Variants in SAP130 observed in about 807,000 individuals in gnomAD.
SAP130 encodes the protein Sin3A associated protein 130.
In SAP130, 16 loss-of-function variants were observed where a neutral mutation model predicts 103.2. The observed-to-expected ratio is 0.16, with a 90% confidence interval of 0.10 to 0.24. SAP130 has a LOEUF of 0.24. Ranked by LOEUF, SAP130 falls within the 10% of genes least tolerant of loss-of-function variation. The probability of loss-of-function intolerance (pLI) is 1.00; values close to 1 mark genes in which losing one functional copy is unlikely to be tolerated. For missense variants in SAP130, 990 were observed against 1,359.7 expected (o/e 0.73, Z 4.28); for synonymous variants, 477 against 497.0 (o/e 0.96, Z 0.53).
chr2:127,969,175 G>C (rs891591629), intron 15 of SAP130, among the ~76,000 whole-genome samples: 3 of 152,170 alleles, frequency 2.0e-5, no homozygotes, highest in Non-Finnish European at 2.9e-5. Context: ...GGCGGGGGGA[G>C]AGGGAGACAT....
intron 15 of SAP130, among the ~76,000 whole-genome samples, chr2:127,957,399 G>A (rs935357802): frequency 8.5e-5 from 13 of 152,204 alleles, no homozygotes; most frequent in Admixed American, 8.5e-4. Flanking sequence ...AACTGGCTAG[G>A]CGTGGTGACT....
At chr2:127,970,832 G>C (rs2104871826) in intron 15 of SAP130, among the ~76,000 whole-genome samples, 1 of 152,222 alleles carries the variant, frequency 6.6e-6, no homozygotes, top group South Asian at 2.1e-4. Context: ...CGAGGTACTG[G>C]GAGTTGACTT....
chr2:127,950,804 G>A (rs1050444820), intron 16 of SAP130, among the ~76,000 whole-genome samples: 1 of 152,178 alleles, frequency 6.6e-6, no homozygotes, highest in Non-Finnish European at 1.5e-5. Context: ...GAACTCAGAC[G>A]AGATGGCTGC....
intron 4 of SAP130, 32 bp downstream of exon 4, chr2:128,016,357 T>C (rs776025281): frequency 6.3e-7 from 1 of 1,599,448 alleles, no homozygotes; most frequent in Non-Finnish European, 8.5e-7. Context: ...GCATTTCAGT[T>C]TGAAAATCAG....
intron 2 of SAP130, among the ~76,000 whole-genome samples, chr2:128,024,713 C>A (rs1182433400): frequency 5.3e-5 from 6 of 113,384 alleles, no homozygotes; most frequent in East Asian, 2.3e-4. Context: ...ACTAAAAATG[C>A]GAAAAAAAAA....
chr2:128,017,897 C>T lies in SAP130; in HGVS notation c.131G>A (p.Arg44Gln), dbSNP rs1470921648. Residue 44 changes from arginine (R) to glutamine (Q), a missense_variant, in exon 3 of 21, where the codon CGA (arginine) becomes CAA (glutamine). By Grantham distance (43) the Arg-to-Gln change is conservative (BLOSUM62 1). This residue lies in a region of SAP130 where 167 missense variants were observed against 187.4 expected (regional missense o/e 0.89). Coordinates refer to ENST00000643581, the MANE Select transcript of SAP130 (RefSeq NM_001330301.2). ...CTCCCTGGCACTGACTTCAGAATCT[C>T]GACCAGATTCATCATTGACTAGTAA... ...PAATVNDESG[R>Q]DSEVSAREHM... 6 of 1,614,026 alleles carry T rather than the reference C, an allele frequency of 3.7e-6. No individual in the cohort carries two copies. Among genetic ancestry groups the T allele is most frequent in the East Asian group, 4.5e-5 (2 of 44,886 alleles).
At chr2:128,008,146 T>A (rs989593889) in intron 7 of SAP130, among the ~76,000 whole-genome samples, 10 of 152,228 alleles carry the variant, frequency 6.6e-5, no homozygotes, top group African/African-American at 2.2e-4. Context: ...TTGCTTTGAT[T>A]CAGTGAATCT....
rs1683166623 is a variant in SAP130 at position 127,996,224 on chromosome 2, C to T, written c.1355+126G>A. ...AAGGAATTATACGAAGTGTTACTTT[C>T]AGGGGAAAATCTGAAAACATGAGTA... On this transcript the variant is annotated intron_variant, in intron 11 of 20. Transcript: ENST00000643581. The surrounding 1 kb of genome is among the most constrained non-coding windows in gnomAD (Gnocchi z 4.3). 1 of 833,122 alleles carries T rather than the reference C, an allele frequency of 1.2e-6. No individual in the cohort carries two copies. The highest frequency in any genetic ancestry group is 1.6e-6 in the Non-Finnish European group (1 of 612,494). The allele number at this position is 833,122 out of a possible 1,614,324, so 51.6% of individuals were successfully genotyped here. A position where few individuals can be genotyped will look rare whatever the true frequency, so the allele number is the denominator to read the frequency against.
chr2:127,983,932 G>A (rs1396634643), intron 14 of SAP130, among the ~76,000 whole-genome samples: 1 of 132,248 alleles, frequency 7.6e-6, no homozygotes, highest in Non-Finnish European at 1.5e-5. Context: ...TTTTATATTT[G>A]CAGTTAACTT....
chr2:127,954,437 A>T (rs1307489147), intron 16 of SAP130, among the ~76,000 whole-genome samples: 1 of 152,080 alleles, frequency 6.6e-6, no homozygotes, highest in Non-Finnish European at 1.5e-5. Flanking sequence ...AATTCCACAT[A>T]AATTATTAAA....
intron 15 of SAP130, among the ~76,000 whole-genome samples, chr2:127,969,169 G>C (rs937535706): frequency 2.6e-5 from 4 of 152,258 alleles, no homozygotes; most frequent in African/African-American, 7.2e-5. Flanking sequence ...GAGGTTGGCG[G>C]GGGGAGAGGG....
chr2:127,955,143 T>C lies in SAP130; in HGVS notation c.2265A>G (p.Gly755=), dbSNP rs770542431. 3.1e-6 allele frequency: 5 copies of C among 1,613,984 alleles called. No homozygotes were observed. The Admixed American group carries it at 6.7e-5, about 22-fold the overall frequency. Residue 755 remains glycine (G), a synonymous_variant, in exon 16 of 21, where the codon GGA becomes GGG. Transcript: ENST00000643581. The surrounding 1 kb of genome is among the most constrained non-coding windows in gnomAD (Gnocchi z 4.9). ...TGATGGGTGGAGTGATGGGGACCGC[T>C]CCAGGAATGGTTGAAAGGGCAACGG... ...QPAVALSTIP[G]AVPITPPITT... is the part of the protein sequence containing the mutation.
In SAP130 at chr2:128,026,203, T is replaced by C; in HGVS notation, c.90A>G (p.Gly30=). ...CACCTGTAGCAGCTGGGTTTATCAA[T>C]CCAGCAGAACCACTGTTTGCAATCT... is the stretch of plus-strand genomic sequence containing the variant. ...PSQIANSGSA[G]LINPAATVND... The change falls in exon 2 of 21, where the codon GGA becomes GGG. Residue 30 remains glycine, a synonymous_variant. Coordinates refer to ENST00000643581, the MANE Select transcript of SAP130 (RefSeq NM_001330301.2). 1 of 1,612,168 alleles carries C rather than the reference T, an allele frequency of 6.2e-7. No individual in the cohort carries two copies. The highest frequency in any genetic ancestry group is 8.5e-7 in the Non-Finnish European group (1 of 1,178,216).
At chr2:128,000,977 A>T (rs1683518752) in intron 7 of SAP130, among the ~76,000 whole-genome samples, 1 of 152,196 alleles carries the variant, frequency 6.6e-6, no homozygotes, top group Admixed American at 6.5e-5. Context: ...TACATGCTGT[A>T]AGTTTTTGAC....
Position 127,996,808 on chromosome 2 carries a change from G to C in SAP130, c.1214-317C>G, listed in dbSNP as rs952448992. On this transcript the variant is annotated intron_variant, in intron 10 of 20. Transcript: ENST00000643581. This position sits in a 1 kb window ranked among gnomAD's most constrained non-coding sequence, Gnocchi z 4.3. ...GGCTCACATCTGTCATCTCAGCACT[G>C]TGGGAGGCTGAGGCGGGAGGATCAC... 6.6e-6 allele frequency among the ~76,000 whole-genome samples: 1 copy of C among 152,014 alleles called. No homozygotes were observed. Among genetic ancestry groups the C allele is most frequent in the Admixed American group, 6.6e-5 (1 of 15,262 alleles).
intron 15 of SAP130, among the ~76,000 whole-genome samples, chr2:127,962,656 C>G (rs1179016942): frequency 4.1e-5 from 6 of 147,026 alleles, no homozygotes; most frequent in African/African-American, 1.5e-4. Flanking sequence ...CATGTTCTCA[C>G]TCATAGGTGG....
chr2:127,947,736 G>C (rs910445810), intron 18 of SAP130, among the ~76,000 whole-genome samples: 1 of 132,242 alleles, frequency 7.6e-6, no homozygotes, highest in African/African-American at 2.8e-5. Context: ...ATTTCATATT[G>C]TGTGAATTAA....
intron 7 of SAP130, 109 bp from the exon 8 acceptor site, chr2:128,000,563 A>C (rs1683486690): frequency 1.6e-6 from 2 of 1,254,442 alleles, no homozygotes; most frequent in East Asian, 5.0e-5. Context: ...GTTCGGAGTT[A>C]AACCAATACT....
chr2:127,942,508 T>C lies in SAP130; in HGVS notation c.2931A>G (p.Arg977=). 6.2e-7 allele frequency: 1 copy of C among 1,612,440 alleles called. No individual in the cohort carries two copies. Among genetic ancestry groups the C allele is most frequent in the Non-Finnish European group, 8.5e-7 (1 of 1,178,426 alleles). The stretch of plus-strand genomic sequence containing the variant: ...TAATCCCTTCCTGCAGGTTAGTAAG[T>C]CTTTCATAGACATCATGTTCTAGAT... The part of the protein sequence containing the change: ...LTNLEHDVYE[R]LTNLQEGIIP... Residue 977 remains arginine (R), a synonymous_variant, in exon 20 of 21, where the codon AGA becomes AGG. Coordinates refer to ENST00000643581, the MANE Select transcript of SAP130 (RefSeq NM_001330301.2). This position sits in a 1 kb window ranked among gnomAD's most constrained non-coding sequence, Gnocchi z 4.8.
Sources: allele counts gnomAD v4.1 joint callset (sites outside exome capture counted in the v4.1 genomes callset), GRCh38; gene constraint gnomAD v4.1.1; regional missense constraint gnomAD v4.1.1; non-coding constraint Gnocchi (gnomAD v3.1); transcripts MANE v1.5; gene names NCBI Gene and HGNC (gene_info 2026-07-23, HGNC 2026-07-21).